MCTP1: variants seen among roughly 807,000 people sequenced by gnomAD.
MCTP1 encodes the protein multiple C2 and transmembrane domain containing 1.
Under a neutral mutation model 120.6 loss-of-function variants are expected in MCTP1, and 69 were observed. That is an observed-to-expected ratio of 0.57 (90% confidence interval 0.47 to 0.70). The LOEUF (loss-of-function observed/expected upper bound fraction) is 0.70, where lower values mean the gene tolerates loss of function less well. MCTP1 is among the 30% of genes least tolerant of loss of function. The probability of loss-of-function intolerance (pLI) is 0.00; values close to 1 mark genes in which losing one functional copy is unlikely to be tolerated. For synonymous variants in MCTP1, 529 were observed against 493.1 expected (o/e 1.07, Z -0.96); for missense variants, 1,203 against 1,248.8 (o/e 0.96, Z 0.55).
At chr5:95,035,730 A>T (rs572922775) in intron 1 of MCTP1, among the ~76,000 whole-genome samples, 1 of 152,268 alleles carries the variant, frequency 6.6e-6, no homozygotes, top group South Asian at 2.1e-4. Flanking sequence ...ATTAAAAAAT[A>T]TATATATACT....
At chr5:95,167,742 T>A (rs182256800) in intron 1 of MCTP1, among the ~76,000 whole-genome samples, 1 of 152,242 alleles carries the variant, frequency 6.6e-6, no homozygotes, top group Non-Finnish European at 1.5e-5. Context: ...CTTTGCCCAC[T>A]TGTAGATGGG....
At chr5:94,708,709 C>T in intron 21 of MCTP1, 100 bp from the exon 22 acceptor site, 2 of 672,786 alleles carry the variant, frequency 3.0e-6, no homozygotes, top group Non-Finnish European at 5.2e-6. Flanking sequence ...AACCAATACA[C>T]CCAGTTTTTT....
At chr5:95,145,995 T>C (rs1326899708) in intron 1 of MCTP1, among the ~76,000 whole-genome samples, 1 of 152,206 alleles carries the variant, frequency 6.6e-6, no homozygotes, top group Non-Finnish European at 1.5e-5. Flanking sequence ...CTGGTAGAAC[T>C]CTGCTGTTAA....
At chr5:94,852,982 C>A (rs1281030778) in intron 17 of MCTP1, among the ~76,000 whole-genome samples, 1 of 151,986 alleles carries the variant, frequency 6.6e-6, no homozygotes, top group Admixed American at 6.6e-5. Flanking sequence ...AAATATATGA[C>A]TCACAAATTA....
intron 1 of MCTP1, among the ~76,000 whole-genome samples, chr5:95,154,436 A>G (rs929777276): frequency 6.6e-6 from 1 of 152,112 alleles, no homozygotes; most frequent in African/African-American, 2.4e-5. Flanking sequence ...CATTTGTGAA[A>G]TAGAGGAATA....
intron 17 of MCTP1, among the ~76,000 whole-genome samples, chr5:94,839,994 G>T (rs1745987309): frequency 6.6e-6 from 1 of 152,078 alleles, no homozygotes; most frequent in Non-Finnish European, 1.5e-5. Context: ...ATGTCCTCTG[G>T]TGATAATTAG....
chr5:94,777,710 A>G (rs1775678131), intron 19 of MCTP1, among the ~76,000 whole-genome samples: 1 of 152,134 alleles, frequency 6.6e-6, no homozygotes, highest in Admixed American at 6.6e-5. Flanking sequence ...TCTACAACTG[A>G]CCTTAGCAAT....
rs141601503 is a variant in MCTP1 at position 94,808,375 on chromosome 5, C to T, written c.2437-9243G>A. On this transcript the variant is annotated intron_variant, in intron 17 of 22. Coordinates refer to ENST00000515393, the MANE Select transcript of MCTP1 (RefSeq NM_024717.7). ...GTTGCTCTTCTGAAGAGAGGCTTTG[C>T]TTTGTTTGGACAATTTTCTAAAGTA... Among the ~76,000 whole-genome samples the T allele has an allele frequency of 7.9e-3, 1,200 of 152,214 alleles. 16 individuals are homozygous for T. Among genetic ancestry groups the T allele is most frequent in the Non-Finnish European group, 0.011 (757 of 67,974 alleles).
At chr5:94,966,864 T>A (rs1353745266) in intron 2 of MCTP1, among the ~76,000 whole-genome samples, 3 of 152,086 alleles carry the variant, frequency 2.0e-5, no homozygotes, top group Admixed American at 2.0e-4. Flanking sequence ...GAGGGCTAGT[T>A]CAGCTAGTGC....
intron 17 of MCTP1, among the ~76,000 whole-genome samples, chr5:94,821,222 T>C (rs559207240): frequency 2.0e-4 from 31 of 152,316 alleles, no homozygotes; most frequent in African/African-American, 5.3e-4. Context: ...TCTGGAGATT[T>C]TGTTCACATT....
chr5:94,903,415 A>G (rs1341358579), intron 10 of MCTP1, among the ~76,000 whole-genome samples: 1 of 152,126 alleles, frequency 6.6e-6, no homozygotes, highest in Non-Finnish European at 1.5e-5. Flanking sequence ...GTCAAAGGCT[A>G]TTTTCCTCAT....
At chr5:95,046,281 C>T (rs1297193178) in intron 1 of MCTP1, among the ~76,000 whole-genome samples, 1 of 152,098 alleles carries the variant, frequency 6.6e-6, no homozygotes, top group Non-Finnish European at 1.5e-5. Flanking sequence ...ACATACAAGC[C>T]TTTAGAAAAT....
At chr5:95,187,155 G>T (rs547375616) in intron 1 of MCTP1, among the ~76,000 whole-genome samples, 1 of 152,336 alleles carries the variant, frequency 6.6e-6, no homozygotes. Flanking sequence ...GCACTCCCAT[G>T]TTTATTGCTG....
chr5:94,845,637 T>A (rs1026002407), intron 17 of MCTP1, among the ~76,000 whole-genome samples: 1 of 152,146 alleles, frequency 6.6e-6, no homozygotes, highest in Non-Finnish European at 1.5e-5. Flanking sequence ...CTCCCCTTCC[T>A]GGGCTCAAAC....
At chr5:94,947,870 C>A (rs1819519252) in intron 3 of MCTP1, among the ~76,000 whole-genome samples, 1 of 151,026 alleles carries the variant, frequency 6.6e-6, no homozygotes, top group Admixed American at 6.6e-5. Flanking sequence ...GATCCTCTCA[C>A]CTCAGCGCCC....
intron 1 of MCTP1, among the ~76,000 whole-genome samples, chr5:95,138,235 C>CCCCT (rs1374049952): frequency 2.7e-5 from 4 of 148,958 alleles, no homozygotes; most frequent in East Asian, 2.0e-4. Context: ...GAGATGCAAC[C>CCCCT]CCCCCCCGAC....
intron 12 of MCTP1, among the ~76,000 whole-genome samples, chr5:94,881,357 G>C (rs1365595429): frequency 6.6e-6 from 1 of 152,034 alleles, no homozygotes; most frequent in African/African-American, 2.4e-5. Context: ...CTGTGATTTA[G>C]TTAATATTTT....
At chr5:95,121,021 G>A (rs1244601618) in intron 1 of MCTP1, among the ~76,000 whole-genome samples, 1 of 152,150 alleles carries the variant, frequency 6.6e-6, no homozygotes, top group African/African-American at 2.4e-5. Flanking sequence ...GCTCATGCCT[G>A]TAATCCTAGC....
chr5:95,048,260 A>G (rs1745055827), intron 1 of MCTP1, among the ~76,000 whole-genome samples: 1 of 152,208 alleles, frequency 6.6e-6, no homozygotes, highest in African/African-American at 2.4e-5. Context: ...AGGAAAATGC[A>G]TAACATATGG....
Sources: allele counts gnomAD v4.1 joint callset (sites outside exome capture counted in the v4.1 genomes callset), GRCh38; gene constraint gnomAD v4.1.1; transcripts MANE v1.5; gene names NCBI Gene and HGNC (gene_info 2026-07-23, HGNC 2026-07-21).